AKAP6: variants seen among roughly 807,000 people sequenced by gnomAD.
The protein encoded by AKAP6 is A-kinase anchor protein 6.
In AKAP6, 58 loss-of-function variants were observed where a neutral mutation model predicts 188.5. The observed-to-expected ratio is 0.31, with a 90% CI of 0.25 to 0.38. The LOEUF (loss-of-function observed/expected upper bound fraction) is 0.38. AKAP6 is among the 10% of genes least tolerant of loss of function. The pLI is 1.00. For missense variants in AKAP6, 2,710 were observed against 2,740.0 expected (o/e 0.99, Z 0.24); for synonymous variants, 989 against 998.6 (o/e 0.99, Z 0.18).
Position 32,417,690 on chromosome 14 carries a change from A to G in AKAP6, c.-34-15770A>G, listed in dbSNP as rs1177780369. On this transcript the variant is annotated intron_variant, in intron 1 of 13. Coordinates refer to ENST00000280979, the MANE Select transcript of AKAP6 (RefSeq NM_004274.5). ...GATATACTCCTCTGCCTTCTTATAA[A>G]TCTAAGTTTTTCTTTAAAATTTTTA... 3 of 152,304 alleles carry G rather than the reference A, an allele frequency of 2.0e-5. No individual in the cohort carries two copies. The South Asian group carries it at 6.2e-4, about 32-fold the overall frequency. The allele number at this position is 152,304 out of a possible 1,614,324, so 9.4% of individuals were successfully genotyped here. A position where few individuals can be genotyped will look rare whatever the true frequency, so the allele number is the denominator to read the frequency against.
chr14:32,744,956 T>C (rs1183825390), intron 11 of AKAP6, among the ~76,000 whole-genome samples: 3 of 152,172 alleles, frequency 2.0e-5, no homozygotes, highest in Non-Finnish European at 4.4e-5. Flanking sequence ...TCTGCATGAT[T>C]CTTTTTAATT....
intron 7 of AKAP6, among the ~76,000 whole-genome samples, chr14:32,649,494 A>G (rs1594811511): frequency 6.6e-6 from 1 of 152,288 alleles, no homozygotes; most frequent in East Asian, 1.9e-4. Flanking sequence ...ATTTCTAGAA[A>G]TTTCTTTATA....
intron 2 of AKAP6, among the ~76,000 whole-genome samples, chr14:32,483,197 A>G (rs1879455935): frequency 6.6e-6 from 1 of 152,118 alleles, no homozygotes; most frequent in East Asian, 1.9e-4. Flanking sequence ...TAATTCTGTT[A>G]TTGAAAGTGA....
chr14:32,807,089 A>AT (rs2034109863), intron 12 of AKAP6, among the ~76,000 whole-genome samples: 2 of 148,002 alleles, frequency 1.4e-5, no homozygotes, highest in African/African-American at 5.0e-5. Flanking sequence ...TATATATATA[A>AT]AATCCCACAT....
chr14:32,708,834 A>G (rs545719802), intron 9 of AKAP6, among the ~76,000 whole-genome samples: 1 of 151,944 alleles, frequency 6.6e-6, no homozygotes, highest in East Asian at 1.9e-4. Flanking sequence ...AGCTTTCCTC[A>G]GCTGACATGC....
At chr14:32,370,464 T>C (rs1044114814) in intron 1 of AKAP6, among the ~76,000 whole-genome samples, 3 of 152,214 alleles carry the variant, frequency 2.0e-5, no homozygotes, top group Non-Finnish European at 4.4e-5. Context: ...ACACAAATAA[T>C]GAGGGAGTTT....
chr14:32,738,035 A>T (rs2031508161), intron 11 of AKAP6, among the ~76,000 whole-genome samples: 1 of 152,150 alleles, frequency 6.6e-6, no homozygotes, highest in Admixed American at 6.6e-5. Context: ...CAAACTCAGC[A>T]AGAGGGAAGA....
intron 3 of AKAP6, among the ~76,000 whole-genome samples, chr14:32,540,074 G>A (rs1882853233): frequency 7.2e-6 from 1 of 138,656 alleles, no homozygotes. Context: ...AAGGAACAGA[G>A]TAAAATGTCT....
intron 7 of AKAP6, among the ~76,000 whole-genome samples, chr14:32,676,958 C>A (rs1889452235): frequency 6.6e-6 from 1 of 152,148 alleles, no homozygotes; most frequent in Non-Finnish European, 1.5e-5. Flanking sequence ...CTCAGCCTCC[C>A]AAGTAGCTGG....
intron 8 of AKAP6, among the ~76,000 whole-genome samples, chr14:32,692,416 A>C (rs535716075): frequency 6.6e-6 from 1 of 152,350 alleles, no homozygotes; most frequent in South Asian, 2.1e-4. Context: ...ATCTTTCACT[A>C]TAAAAAGAGG....
intron 4 of AKAP6, among the ~76,000 whole-genome samples, chr14:32,576,660 G>A (rs575707906): frequency 1.3e-5 from 2 of 152,180 alleles, no homozygotes; most frequent in South Asian, 2.1e-4. Context: ...GTTCAGCTAT[G>A]GCAACTAAAC....
intron 2 of AKAP6, among the ~76,000 whole-genome samples, chr14:32,523,596 A>G (rs1881970055): frequency 6.6e-6 from 1 of 151,728 alleles, no homozygotes; most frequent in African/African-American, 2.4e-5. Flanking sequence ...AGCTTCCTGA[A>G]TAGCTGAGAC....
chr14:32,755,590 T>C (rs1189208014), intron 11 of AKAP6, among the ~76,000 whole-genome samples: 1 of 152,066 alleles, frequency 6.6e-6, no homozygotes, highest in African/African-American at 2.4e-5. Flanking sequence ...TGTAGCAGCA[T>C]GATCTTGGGT....
At chr14:32,646,550 C>T (rs1228175886) in intron 7 of AKAP6, among the ~76,000 whole-genome samples, 1 of 152,142 alleles carries the variant, frequency 6.6e-6, no homozygotes, top group South Asian at 2.1e-4. Flanking sequence ...ATTCTAATGG[C>T]TGAACTAGCA....
At chr14:32,807,114 G>A (rs545431983) in intron 12 of AKAP6, among the ~76,000 whole-genome samples, 1 of 151,920 alleles carries the variant, frequency 6.6e-6, no homozygotes, top group South Asian at 2.1e-4. Context: ...GGAAGGCCAA[G>A]GCAGGAGGAT....
intron 8 of AKAP6, among the ~76,000 whole-genome samples, chr14:32,691,082 A>C (rs1890159407): frequency 6.6e-6 from 1 of 152,184 alleles, no homozygotes; most frequent in Non-Finnish European, 1.5e-5. Context: ...CATAATTACA[A>C]AGAAAATTTT....
At chr14:32,491,797 A>G (rs1880030690) in intron 2 of AKAP6, among the ~76,000 whole-genome samples, 1 of 152,248 alleles carries the variant, frequency 6.6e-6, no homozygotes, top group African/African-American at 2.4e-5. Context: ...TTTTATGTAG[A>G]ATAATCTCAG....
chr14:32,742,982 C>T (rs111951140), intron 11 of AKAP6, among the ~76,000 whole-genome samples: 2 of 152,154 alleles, frequency 1.3e-5, no homozygotes, highest in African/African-American at 4.8e-5. Flanking sequence ...AAGTCTCCAG[C>T]TATTACTGTG....
chr14:32,533,098 TGTAGA>T (rs1271841556), intron 2 of AKAP6, among the ~76,000 whole-genome samples: 1 of 152,186 alleles, frequency 6.6e-6, no homozygotes, highest in African/African-American at 2.4e-5. Flanking sequence ...TCCTGGGAGC[TGTAGA>T]GTAAAGGAAA....
Sources: gnomAD v4.1 joint callset for allele counts (sites outside exome capture counted in the v4.1 genomes callset) on GRCh38, gnomAD v4.1.1 for gene constraint, MANE v1.5 for transcripts, NCBI Gene and HGNC (gene_info 2026-07-23, HGNC 2026-07-21) for gene names.